The following MRPS28 variants were observed in gnomAD, a reference collection of about 807,000 sequenced individuals.
MRPS28 encodes the protein small ribosomal subunit protein bS1m.
In MRPS28, 7 loss-of-function variants were observed where a neutral mutation model predicts 10.8. The ratio of observed to expected loss-of-function variants is 0.65; its 90% CI spans 0.37 to 1.22. The LOEUF (loss-of-function observed/expected upper bound fraction) is 1.22. MRPS28 is among the 50% of genes most tolerant of loss of function. The pLI is 0.02. For missense variants in MRPS28, 265 were observed against 232.9 expected (o/e 1.14, Z -0.90); for synonymous variants, 121 against 93.3 (o/e 1.30, Z -1.71).
Position 79,918,844 on chromosome 8 carries a change from T to C in MRPS28, c.*136A>G. On this transcript the variant is annotated 3_prime_UTR_variant, in exon 3 of 3. Transcript: ENST00000276585. Reference sequence around the variant, plus strand: ...GGGTGGGAATATTGCTAAAGAAAATTCTAATAAGAGTTATCTATAATTATA... The same window carrying C: ...GGGTGGGAATATTGCTAAAGAAAATCCTAATAAGAGTTATCTATAATTATA... 1 of 627,454 alleles carries C rather than the reference T, an allele frequency of 1.6e-6. No homozygotes were observed. The highest frequency in any genetic ancestry group is 2.4e-6 in the Non-Finnish European group (1 of 421,520). 38.9% of individuals were successfully genotyped at this position (627,454 alleles called of 1,614,324 possible). A position where few individuals can be genotyped will look rare whatever the true frequency, so the allele number is the denominator to read the frequency against.
At chr8:79,919,187 T>C (rs771966966) in intron 2 of MRPS28, 39 bp from the exon 3 acceptor site, 17 of 1,468,716 alleles carry the variant, frequency 1.2e-5, no homozygotes, top group Non-Finnish European at 1.5e-5. Flanking sequence ...TAATTCTGAA[T>C]ATCATAACAT....
At chr8:79,971,110 T>C (rs1411903543) in intron 2 of MRPS28, among the ~76,000 whole-genome samples, 1 of 152,178 alleles carries the variant, frequency 6.6e-6, no homozygotes, top group Non-Finnish European at 1.5e-5. Context: ...ATAAGAGCAA[T>C]CAGTGTGTCT....
chr8:79,940,845 T>C (rs1195829793), intron 2 of MRPS28, among the ~76,000 whole-genome samples: 1 of 152,206 alleles, frequency 6.6e-6, no homozygotes, highest in Non-Finnish European at 1.5e-5. Context: ...ACCCCTGGGG[T>C]AGAAAGCACT....
chr8:79,998,344 T>G (rs889491277), intron 2 of MRPS28, among the ~76,000 whole-genome samples: 4 of 152,150 alleles, frequency 2.6e-5, no homozygotes, highest in Non-Finnish European at 1.5e-5. Context: ...TAAGCTGATT[T>G]AAAAGAAAAA....
chr8:79,967,446 G>A (rs1807530842), intron 2 of MRPS28, among the ~76,000 whole-genome samples: 1 of 152,110 alleles, frequency 6.6e-6, no homozygotes, highest in African/African-American at 2.4e-5. Context: ...TTCCAGCTTT[G>A]TTCAGATGTC....
chr8:80,002,962 G>T, intron 2 of MRPS28, 37 bp downstream of exon 2: 1 of 1,443,696 alleles, frequency 6.9e-7, no homozygotes. Context: ...CAACTTTTAT[G>T]AATACTCTTA....
In MRPS28 at chr8:80,030,198, C is replaced by A; in HGVS notation, c.51G>T (p.Leu17=). 6.2e-7 allele frequency: 1 copy of A among 1,614,256 alleles called. No individual in the cohort carries two copies. The highest frequency in any genetic ancestry group is 8.5e-7 in the Non-Finnish European group (1 of 1,180,050). ...TRAVAAESHF[L]RVFLFFRPFR... ...AGGGCCTGAAGAAGAGAAACACTCG[C>A]AGAAAATGGCTCTCGGCAGCCACAG... Residue 17 remains leucine (L), a synonymous_variant, in exon 1 of 3, where the codon CTG becomes CTT. Coordinates refer to ENST00000276585, the MANE Select transcript of MRPS28 (RefSeq NM_014018.3).
chr8:79,992,285 T>C (rs1469746245), intron 2 of MRPS28, among the ~76,000 whole-genome samples: 1 of 152,204 alleles, frequency 6.6e-6, no homozygotes. Flanking sequence ...TATGAAGTAA[T>C]TTGTTACACA....
rs780378629 is a variant in MRPS28 at position 80,030,043 on chromosome 8, A to C, written c.206T>G (p.Leu69Arg). The change falls in exon 1 of 3, where the codon CTA becomes CGA. Residue 69 changes from leucine (L) to arginine (R), a missense_variant. Transcript: ENST00000276585. The stretch of plus-strand genomic sequence containing the variant: ...CACCCGCCCGGGCTCCACCTTCTGT[A>C]GGGGCTCCACCTTCTGTAGAAGCTC... Reference protein sequence around the residue: ...HSELLQKVEPLQKGSPKNVES... With the variant: ...HSELLQKVEPRQKGSPKNVES... The C allele has an allele frequency of 2.5e-6, 4 of 1,613,102 alleles. No homozygotes were observed. In the African/African-American group the frequency reaches 5.3e-5, roughly 22 times the overall value.
chr8:79,921,708 T>C (rs1349929990), intron 2 of MRPS28, among the ~76,000 whole-genome samples: 1 of 152,124 alleles, frequency 6.6e-6, no homozygotes, highest in Non-Finnish European at 1.5e-5. Context: ...TTTCTAGATA[T>C]ACAATCATGT....
At chr8:80,020,078 T>G (rs1809312620) in intron 1 of MRPS28, among the ~76,000 whole-genome samples, 1 of 152,138 alleles carries the variant, frequency 6.6e-6, no homozygotes, top group African/African-American at 2.4e-5. Flanking sequence ...TAGAAGCAGG[T>G]TGCGAGGGTG....
At chr8:79,990,410 C>G (rs1808328069) in intron 2 of MRPS28, among the ~76,000 whole-genome samples, 1 of 152,078 alleles carries the variant, frequency 6.6e-6, no homozygotes. Context: ...TTACAACAGT[C>G]TCAGAACTGG....
Position 79,918,870 on chromosome 8 carries a change from G to T in MRPS28, c.*110C>A. The T allele has an allele frequency of 2.3e-6, 2 of 863,804 alleles. No individual in the cohort carries two copies. Among genetic ancestry groups the T allele is most frequent in the Non-Finnish European group, 3.2e-6 (2 of 617,868 alleles). 53.5% of individuals were successfully genotyped at this position (863,804 alleles called of 1,614,324 possible). Reference sequence around the variant, plus strand: ...CTAATAAGAGTTATCTATAATTATAGCTTTTATTTATTATATCTTCATTCA... The same window carrying T: ...CTAATAAGAGTTATCTATAATTATATCTTTTATTTATTATATCTTCATTCA... On this transcript the variant is annotated 3_prime_UTR_variant, in exon 3 of 3. Transcript: ENST00000276585.
intron 2 of MRPS28, among the ~76,000 whole-genome samples, chr8:79,928,175 T>A (rs972293762): frequency 2.6e-5 from 4 of 151,528 alleles, no homozygotes; most frequent in South Asian, 2.1e-4. Context: ...TAAAAAAAAA[T>A]TAAAAATTAG....
chr8:79,966,238 T>C (rs1476622633), intron 2 of MRPS28, among the ~76,000 whole-genome samples: 1 of 152,034 alleles, frequency 6.6e-6, no homozygotes, highest in Non-Finnish European at 1.5e-5. Flanking sequence ...TTGAGTGAGC[T>C]TGTTTTAACA....
chr8:79,943,196 G>T (rs187432396), intron 2 of MRPS28, among the ~76,000 whole-genome samples: 7 of 152,178 alleles, frequency 4.6e-5, no homozygotes, highest in African/African-American at 1.2e-4. Flanking sequence ...CCTTACAGAT[G>T]AAAGAAGAGT....
intron 1 of MRPS28, among the ~76,000 whole-genome samples, chr8:80,014,592 C>T (rs1056496746): frequency 6.6e-6 from 1 of 152,200 alleles, no homozygotes; most frequent in Non-Finnish European, 1.5e-5. Context: ...CTGCTGTTTA[C>T]TCATCTTATA....
intron 2 of MRPS28, among the ~76,000 whole-genome samples, chr8:79,969,079 G>A (rs1423274308): frequency 2.6e-5 from 4 of 152,118 alleles, no homozygotes; most frequent in African/African-American, 9.7e-5. Flanking sequence ...TATTAGCTTC[G>A]TGTTTAAGAG....
intron 2 of MRPS28, among the ~76,000 whole-genome samples, chr8:79,985,086 C>G (rs1216700486): frequency 2.0e-5 from 3 of 152,186 alleles, no homozygotes; most frequent in African/African-American, 7.2e-5. Context: ...TCTCAGACCA[C>G]AGTGCAATCA....
Sources: allele counts gnomAD v4.1 joint callset (sites outside exome capture counted in the v4.1 genomes callset), GRCh38; gene constraint gnomAD v4.1.1; transcripts MANE v1.5; gene names NCBI Gene and HGNC (gene_info 2026-07-23, HGNC 2026-07-21).